The following SH3KBP1 variants were observed in gnomAD, a reference collection of about 807,000 sequenced individuals.
SH3KBP1 encodes SH3 domain-containing kinase-binding protein 1.
In SH3KBP1, 8 loss-of-function variants were observed where a neutral mutation model predicts 50.1. That is an observed-to-expected ratio of 0.16 (90% CI 0.09 to 0.29). The LOEUF (loss-of-function observed/expected upper bound fraction) is 0.29. Among genes scored for constraint, SH3KBP1 ranks in the 10% least tolerant of loss-of-function variants. SH3KBP1 has a pLI of 1.00. For missense variants in SH3KBP1, 377 were observed against 535.2 expected, an observed-to-expected ratio of 0.70 and a Z score of 2.92; for synonymous variants, 227 against 218.6, an observed-to-expected ratio of 1.04 and a Z score of -0.34.
intron 12 of SH3KBP1, among the ~76,000 whole-genome samples, chrX:19,576,916 C>T (rs1485609299): frequency 1.8e-5 from 2 of 111,596 alleles, no homozygotes; most frequent in South Asian, 7.5e-4. Context: ...CCCTCCAGGG[C>T]AGCCCACACC....
intron 6 of SH3KBP1, among the ~76,000 whole-genome samples, chrX:19,675,134 T>C (rs1220993818): frequency 9.0e-6 from 1 of 110,845 alleles, no homozygotes; most frequent in Non-Finnish European, 1.9e-5. Context: ...GAAAATGTAC[T>C]GTCATTTATA....
At chrX:19,869,495 G>A (rs935591150) in intron 1 of SH3KBP1, among the ~76,000 whole-genome samples, 7 of 112,238 alleles carry the variant, frequency 6.2e-5, no homozygotes, top group African/African-American at 2.3e-4. Flanking sequence ...ACACAGTGCT[G>A]GTGAGCCAGC....
intron 2 of SH3KBP1, among the ~76,000 whole-genome samples, chrX:19,760,550 G>A (rs1039604352): frequency 3.7e-5 from 4 of 108,845 alleles, no homozygotes; most frequent in Non-Finnish European, 7.6e-5. Flanking sequence ...TGTAACCATG[G>A]TTACATGCAT....
chrX:19,552,414 G>A (rs2065268588), intron 13 of SH3KBP1, among the ~76,000 whole-genome samples: 1 of 110,673 alleles, frequency 9.0e-6, no homozygotes, highest in Non-Finnish European at 1.9e-5. Context: ...ACGAGGGGCA[G>A]AGGAAGGCTC....
chrX:19,683,043 C>T (rs1352092029), intron 6 of SH3KBP1, among the ~76,000 whole-genome samples: 1 of 111,918 alleles, frequency 8.9e-6, no homozygotes, highest in African/African-American at 3.2e-5. Context: ...AATTAACAAA[C>T]ATGCCTTAAG....
intron 3 of SH3KBP1, 41 bp from the exon 4 acceptor site, chrX:19,707,025 C>T (rs374743218): frequency 4.3e-5 from 46 of 1,065,475 alleles, no homozygotes; most frequent in Non-Finnish European, 4.8e-5. Flanking sequence ...AGCTCTTCTC[C>T]CCAAATCAGA....
At chrX:19,656,844 C>T (rs1328351211) in intron 6 of SH3KBP1, among the ~76,000 whole-genome samples, 1 of 111,968 alleles carries the variant, frequency 8.9e-6, no homozygotes, top group Non-Finnish European at 1.9e-5. Context: ...AAAACATAGA[C>T]ATGTGAGAAA....
At chrX:19,735,713 C>CT (rs1326956095) in intron 3 of SH3KBP1, among the ~76,000 whole-genome samples, 1 of 54,641 alleles carries the variant, frequency 1.8e-5, no homozygotes, top group Non-Finnish European at 3.1e-5. Flanking sequence ...ACTGAGACTC[C>CT]TTTTTTTTGG....
chrX:19,820,321 A>C (rs990845974), intron 2 of SH3KBP1, among the ~76,000 whole-genome samples: 1 of 111,971 alleles, frequency 8.9e-6, no homozygotes, highest in Non-Finnish European at 1.9e-5. Context: ...GTTGCCAACT[A>C]TAACTGTGTA....
intron 8 of SH3KBP1, 75 bp from the exon 9 acceptor site, chrX:19,608,120 A>G (rs1027188081): frequency 1.4e-4 from 115 of 842,837 alleles, no homozygotes; most frequent in Admixed American, 3.3e-4. Flanking sequence ...CCTCTTCAAG[A>G]GAATGGAGGC....
At chrX:19,626,145 A>G (rs1359563784) in intron 8 of SH3KBP1, among the ~76,000 whole-genome samples, 2 of 111,259 alleles carry the variant, frequency 1.8e-5, no homozygotes, top group East Asian at 5.6e-4. Context: ...GGTCCTGGAG[A>G]AAGATCTAGC....
At chrX:19,843,278 C>T (rs2068278566) in intron 1 of SH3KBP1, among the ~76,000 whole-genome samples, 1 of 109,989 alleles carries the variant, frequency 9.1e-6, no homozygotes. Flanking sequence ...CCTCGGCCTC[C>T]CAAAGTGCTG....
intron 12 of SH3KBP1, among the ~76,000 whole-genome samples, chrX:19,583,437 G>A (rs1048074405): frequency 1.8e-5 from 2 of 111,442 alleles, no homozygotes; most frequent in Non-Finnish European, 3.8e-5. Context: ...TTACAGGCAT[G>A]AGCCAGCGTG....
rs774369407 is a variant in SH3KBP1, at chrX:19,695,163, T to C, written c.520+449A>G. 228 of 598,888 alleles carry C rather than the reference T, an allele frequency of 3.8e-4. No homozygotes were observed. The African/African-American group carries it at 4.5e-3, about 12-fold the overall frequency. The allele number at this position is 598,888 out of a possible 1,213,427, so 49.4% of individuals were successfully genotyped here. On this transcript the variant is annotated intron_variant, in intron 5 of 17. Coordinates refer to ENST00000397821, the MANE Select transcript of SH3KBP1 (RefSeq NM_031892.3). ...TTGTCTTGACCTACTTTTAAGGGGA[T>C]TGGCATGCACTCATCTTGTCATAGC...
intron 1 of SH3KBP1, among the ~76,000 whole-genome samples, chrX:19,879,013 G>A (rs1262979758): frequency 3.6e-5 from 4 of 112,459 alleles, no homozygotes; most frequent in Non-Finnish European, 5.6e-5. Context: ...GGAAGCCAAG[G>A]CAGGTGGATC....
intron 12 of SH3KBP1, among the ~76,000 whole-genome samples, chrX:19,588,108 C>T (rs899872754): frequency 6.3e-5 from 7 of 111,808 alleles, no homozygotes; most frequent in Non-Finnish European, 1.3e-4. Context: ...CTGCATAAAG[C>T]ATGTCCCCAG....
chrX:19,791,616 G>A (rs758119535), intron 2 of SH3KBP1, among the ~76,000 whole-genome samples: 13 of 109,685 alleles, frequency 1.2e-4, no homozygotes, highest in South Asian at 3.8e-4. Context: ...TGTCTTTTCC[G>A]TGAGTTTATA....
intron 6 of SH3KBP1, chrX:19,670,230 T>C: frequency 3.9e-6 from 1 of 257,494 alleles, no homozygotes; most frequent in Non-Finnish European, 5.4e-6. Flanking sequence ...TACCTATAAA[T>C]GCCCCGCACT....
chrX:19,649,166 T>G (rs1019393285), intron 6 of SH3KBP1, among the ~76,000 whole-genome samples: 1 of 111,546 alleles, frequency 9.0e-6, no homozygotes, highest in African/African-American at 3.3e-5. Flanking sequence ...TCCACAGTGT[T>G]CTTGCTCCCC....
Sources: allele counts gnomAD v4.1 joint callset (sites outside exome capture counted in the v4.1 genomes callset), GRCh38; gene constraint gnomAD v4.1.1; transcripts MANE v1.5; gene names NCBI Gene and HGNC (gene_info 2026-07-23, HGNC 2026-07-21).